Variants in RANBP2 observed in about 807,000 individuals in gnomAD.
RANBP2 encodes the protein RAN binding protein 2, also known as E3 SUMO-protein ligase RanBP2.
RANBP2 carries 57 observed loss-of-function variants against 303.6 expected under a neutral mutation model. The ratio of observed to expected loss-of-function variants is 0.19; its 90% CI spans 0.15 to 0.23. RANBP2 has a LOEUF of 0.23. Ranked by LOEUF, RANBP2 falls within the 10% of genes least tolerant of loss-of-function variation. RANBP2 has a pLI of 1.00. For missense variants in RANBP2, 3,138 were observed against 3,780.8 expected, an observed-to-expected ratio of 0.83 and a Z score of 4.46; for synonymous variants, 1,167 against 1,301.5, an observed-to-expected ratio of 0.90 and a Z score of 2.23.
At chr2:108,820,444 CT>C in the RANBP2 span, among the ~76,000 whole-genome samples, 1 of 152,052 alleles carries the variant, frequency 6.6e-6, no homozygotes, top group Admixed American at 6.6e-5. Flanking sequence ...ACATCCCAAA[CT>C]TTCCTTTTTT....
At chr2:109,654,885 T>C in the RANBP2 span, among the ~76,000 whole-genome samples, 9 of 151,160 alleles carry the variant, frequency 6.0e-5, no homozygotes, top group African/African-American at 2.2e-4. Flanking sequence ...TAAAGGGAGG[T>C]GATCTTATTT....
chr2:109,634,611 T>C, the RANBP2 span, among the ~76,000 whole-genome samples: 5 of 152,242 alleles, frequency 3.3e-5, no homozygotes, highest in Non-Finnish European at 7.3e-5. Flanking sequence ...ATACTGGGGC[T>C]GATAAAGTAA....
At chr2:108,896,780 T>A in the RANBP2 span, 1 of 927,560 alleles carries the variant, frequency 1.1e-6, no homozygotes, top group South Asian at 1.6e-5. Flanking sequence ...TCCTTGAACA[T>A]CCTAAGGCAT....
chr2:109,416,368 G>T, the RANBP2 span, among the ~76,000 whole-genome samples: 1 of 151,898 alleles, frequency 6.6e-6, no homozygotes, highest in African/African-American at 2.4e-5. Context: ...GCTGAGGAGG[G>T]CAGATCACCT....
At chr2:109,123,505 A>C in the RANBP2 span, among the ~76,000 whole-genome samples, 1 of 152,002 alleles carries the variant, frequency 6.6e-6, no homozygotes, top group East Asian at 1.9e-4. Context: ...CTATATGCGG[A>C]TGAATTCAAG....
the RANBP2 span, among the ~76,000 whole-genome samples, chr2:109,319,805 C>G: frequency 1.1e-4 from 16 of 152,358 alleles, no homozygotes; most frequent in Admixed American, 6.5e-4. Flanking sequence ...GGAGCTTTTT[C>G]CAGCCAAACA....
intron 18 of RANBP2, among the ~76,000 whole-genome samples, chr2:108,761,440 C>T (rs992971055): frequency 2.0e-5 from 3 of 152,128 alleles, no homozygotes; most frequent in Non-Finnish European, 2.9e-5. Flanking sequence ...TAAAACAGTT[C>T]AAGCAAATGA....
chr2:109,170,901 T>C, the RANBP2 span, among the ~76,000 whole-genome samples: 1 of 152,182 alleles, frequency 6.6e-6, no homozygotes, highest in Non-Finnish European at 1.5e-5. Context: ...AGAGGACTGA[T>C]AAATCACCTC....
the RANBP2 span, among the ~76,000 whole-genome samples, chr2:108,833,568 G>A: frequency 6.6e-6 from 1 of 152,118 alleles, no homozygotes; most frequent in Admixed American, 6.6e-5. Context: ...CATGACAAAG[G>A]TCAGCAAACC....
intron 1 of RANBP2, among the ~76,000 whole-genome samples, chr2:108,720,450 T>C (rs1694148122): frequency 6.6e-6 from 1 of 152,244 alleles, no homozygotes; most frequent in Admixed American, 6.5e-5. Flanking sequence ...TTTTTCCTCT[T>C]TACATGTAAA....
the RANBP2 span, among the ~76,000 whole-genome samples, chr2:109,331,836 G>A: frequency 6.6e-6 from 1 of 152,106 alleles, no homozygotes; most frequent in Non-Finnish European, 1.5e-5. Flanking sequence ...TTTGCCAGGG[G>A]CACCCTGTCA....
chr2:109,200,939 T>G, the RANBP2 span, among the ~76,000 whole-genome samples: 1 of 152,168 alleles, frequency 6.6e-6, no homozygotes, highest in African/African-American at 2.4e-5. Flanking sequence ...AGTGCAGACC[T>G]CGCAGTGGCC....
the RANBP2 span, among the ~76,000 whole-genome samples, chr2:109,280,246 G>C: frequency 6.6e-6 from 1 of 152,204 alleles, no homozygotes; most frequent in Admixed American, 6.5e-5. Flanking sequence ...AGCAGCAGCA[G>C]GACCTAGCGT....
chr2:108,943,269 G>C, the RANBP2 span, among the ~76,000 whole-genome samples: 1 of 152,180 alleles, frequency 6.6e-6, no homozygotes, highest in African/African-American at 2.4e-5. Flanking sequence ...ACCTGAGACG[G>C]GTCTGCTCCG....
chr2:109,532,034 C>G, the RANBP2 span, among the ~76,000 whole-genome samples: 2 of 152,224 alleles, frequency 1.3e-5, no homozygotes, highest in Admixed American at 6.5e-5. Context: ...GGTGGACACA[C>G]GGGACCCCAC....
the RANBP2 span, among the ~76,000 whole-genome samples, chr2:109,386,285 C>T: frequency 4.6e-5 from 7 of 152,138 alleles, no homozygotes; most frequent in East Asian, 3.8e-4. Context: ...CCGTTAGAGA[C>T]GCATATGGAG....
At chr2:109,547,671 A>G in the RANBP2 span, among the ~76,000 whole-genome samples, 1 of 152,168 alleles carries the variant, frequency 6.6e-6, no homozygotes, top group Non-Finnish European at 1.5e-5. Context: ...GGATCATAGA[A>G]GGCATATTTC....
chr2:108,803,441 AT>A, the RANBP2 span, among the ~76,000 whole-genome samples: 33 of 151,770 alleles, frequency 2.2e-4, no homozygotes, highest in East Asian at 3.9e-4. Context: ...TTAAAAAAAA[AT>A]TTTTTTTTAA....
chr2:109,536,061 G>GGC, the RANBP2 span, among the ~76,000 whole-genome samples: 3 of 124,442 alleles, frequency 2.4e-5, no homozygotes, highest in African/African-American at 9.0e-5. Context: ...GTGGGGGGGG[G>GGC]GTCTCTCATG....
Sources: gnomAD v4.1 joint callset for allele counts (sites outside exome capture counted in the v4.1 genomes callset) on GRCh38, gnomAD v4.1.1 for gene constraint, MANE v1.5 for transcripts, NCBI Gene and HGNC (gene_info 2026-07-23, HGNC 2026-07-21) for gene names.